TCF23: variants seen among roughly 807,000 people sequenced by gnomAD.
TCF23 encodes transcription factor 23, also known as class A basic helix-loop-helix protein 24.
TCF23 carries 7 observed loss-of-function variants against 13.0 expected under a neutral mutation model. The observed-to-expected ratio is 0.54, with a 90% confidence interval of 0.31 to 1.01. The LOEUF (loss-of-function observed/expected upper bound fraction) is 1.01, where lower values mean the gene tolerates loss of function less well. Among genes scored for constraint, TCF23 ranks in the 50% least tolerant of loss-of-function variants. TCF23 has a pLI of 0.06. For synonymous variants in TCF23, 122 were observed against 119.5 expected (o/e 1.02, Z -0.14); for missense variants, 257 against 289.8 (o/e 0.89, Z 0.82).
chr2:27,153,508 C>CTCTTTTCTTTTCTTTTCTTT lies in TCF23; in HGVS notation c.*649_*668dup, dbSNP rs111812514. Reference sequence around the variant, plus strand: ...CCCTCTCGGCTCCTGCACTCTTCCACTCTTTTCTTTTCTTTTCTTTTCTTT... The same window carrying CTCTTTTCTTTTCTTTTCTTT: ...CCCTCTCGGCTCCTGCACTCTTCCACTCTTTTCTTTTCTTTTCTTTTCTTTTCTTTTCTTTTCTTTTCTTT... On this transcript the variant is annotated 3_prime_UTR_variant, in exon 3 of 3. Coordinates refer to ENST00000296096, the MANE Select transcript of TCF23 (RefSeq NM_175769.3). 30,099 of 150,358 alleles carry CTCTTTTCTTTTCTTTTCTTT rather than the reference C, an allele frequency of 0.2. 3,719 individuals carry two copies. The highest frequency in any genetic ancestry group is 0.29 in the Admixed American group (4,234 of 14,544). 9.3% of individuals were successfully genotyped at this position (150,358 alleles called of 1,614,324 possible).
chr2:27,154,812 C>T lies in TCF23; in HGVS notation c.*1945C>T, dbSNP rs987532556. 5 of 152,278 alleles carry T rather than the reference C, an allele frequency of 3.3e-5. No individual in the cohort carries two copies. The highest frequency in any genetic ancestry group is 1.2e-4 in the African/African-American group (5 of 41,454). The allele number at this position is 152,278 out of a possible 1,614,324, so 9.4% of individuals were successfully genotyped here. On this transcript the variant is annotated 3_prime_UTR_variant, in exon 3 of 3. Transcript: ENST00000296096. The stretch of plus-strand genomic sequence containing the variant: ...AGCTAGAATGTACTATTTTTAAAGC[C>T]AAACAGCAGTATCTTCCTGGTTGAG...
In TCF23 at chr2:27,153,526, TTTTCTTTTCG is replaced by T. The variant is rs963195644; in HGVS notation, c.*666_*675del. The T allele has an allele frequency of 3.1e-5, 5 of 160,128 alleles. No individual in the cohort carries two copies. Among genetic ancestry groups the T allele is most frequent in the African/African-American group, 1.2e-4 (5 of 41,324 alleles). The allele number at this position is 160,128 out of a possible 1,614,324, so 9.9% of individuals were successfully genotyped here. A position where few individuals can be genotyped will look rare whatever the true frequency, so the allele number is the denominator to read the frequency against. ...TCTTCCACTCTTTTCTTTTCTTTTCTTTTCTTTTCGTTTCTTCTTCTTTTTATGTAGAGAT... is the reference window on the plus strand; with the variant it reads ...TCTTCCACTCTTTTCTTTTCTTTTCTTTTCTTCTTCTTTTTATGTAGAGAT... On this transcript the variant is annotated 3_prime_UTR_variant, in exon 3 of 3. Transcript: ENST00000296096.
At position 27,155,920 on chromosome 2, in the gene TCF23, C is replaced by T. The variant is rs1352762396; in HGVS notation, c.*3053C>T. ...CTTCCTGCACCACCTGCCCCATCCC[C>T]AGGACTTGGGATTGGGATGGAGGTG... On this transcript the variant is annotated 3_prime_UTR_variant, in exon 3 of 3. Coordinates refer to ENST00000296096, the MANE Select transcript of TCF23 (RefSeq NM_175769.3). 1.3e-5 allele frequency: 2 copies of T among 152,284 alleles called. No individual in the cohort carries two copies. The highest frequency in any genetic ancestry group is 4.8e-5 in the African/African-American group (2 of 41,444). The allele number at this position is 152,284 out of a possible 1,614,324, so 9.4% of individuals were successfully genotyped here. A position where few individuals can be genotyped will look rare whatever the true frequency, so the allele number is the denominator to read the frequency against.
intron 2 of TCF23, among the ~76,000 whole-genome samples, chr2:27,151,417 C>T (rs1672759284): frequency 6.6e-6 from 1 of 152,060 alleles, no homozygotes; most frequent in Non-Finnish European, 1.5e-5. Flanking sequence ...TCACTGCAAC[C>T]TCCACCTCCC....
In TCF23 at chr2:27,150,621, G is replaced by T. The variant is rs1057253516; in HGVS notation, c.465+256G>T. 1.3e-5 allele frequency among the ~76,000 whole-genome samples: 2 copies of T among 152,144 alleles called. No individual in the cohort carries two copies. Among genetic ancestry groups the T allele is most frequent in the Non-Finnish European group, 2.9e-5 (2 of 68,006 alleles). On this transcript the variant is annotated intron_variant, in intron 2 of 2. Transcript: ENST00000296096. The surrounding 1 kb of genome is among the most constrained non-coding windows in gnomAD (Gnocchi z 4.1). ...TGCACCTCCTTGAAGAGGAGGGAAA[G>T]ACTCTGGGGTTCTTAGAGTCACAGG... is the stretch of plus-strand genomic sequence containing the variant.
intron 2 of TCF23, among the ~76,000 whole-genome samples, chr2:27,151,364 T>A (rs1403050879): frequency 6.6e-6 from 1 of 152,194 alleles, no homozygotes; most frequent in African/African-American, 2.4e-5. Flanking sequence ...AGACAGAGTT[T>A]CACTCTGTCG....
chr2:27,150,030 T>G lies in TCF23; in HGVS notation c.223-93T>G, dbSNP rs1672735370. On this transcript the variant is annotated intron_variant, in intron 1 of 2. Coordinates refer to ENST00000296096, the MANE Select transcript of TCF23 (RefSeq NM_175769.3). The surrounding 1 kb of genome is among the most constrained non-coding windows in gnomAD (Gnocchi z 4.1). ...TGGTGCCTACTGCTAGACACCCTTC[T>G]ACTCTGGTGGGAGACCTTGTGCTCA... 1 of 1,532,632 alleles carries G rather than the reference T, an allele frequency of 6.5e-7. No individual in the cohort carries two copies. Among genetic ancestry groups the G allele is most frequent in the Admixed American group, 1.8e-5 (1 of 55,388 alleles). 94.9% of individuals were successfully genotyped at this position (1,532,632 alleles called of 1,614,324 possible). A position where few individuals can be genotyped will look rare whatever the true frequency, so the allele number is the denominator to read the frequency against.
Position 27,156,160 on chromosome 2 carries a change from C to G in TCF23, c.*3293C>G, listed in dbSNP as rs1672832943. ...TGACCAACATGGTGAAACCCTGTCT[C>G]TACTAAAAATACGAAATTAGCTGGG... On this transcript the variant is annotated 3_prime_UTR_variant, in exon 3 of 3. Coordinates refer to ENST00000296096, the MANE Select transcript of TCF23 (RefSeq NM_175769.3). 6.6e-6 allele frequency: 1 copy of G among 151,976 alleles called. No homozygotes were observed. The highest frequency in any genetic ancestry group is 2.0e-4 in the East Asian group (1 of 5,118). 9.4% of individuals were successfully genotyped at this position (151,976 alleles called of 1,614,324 possible). A position where few individuals can be genotyped will look rare whatever the true frequency, so the allele number is the denominator to read the frequency against.
rs1672748321 is a variant in TCF23 at position 27,150,600 on chromosome 2, C to T, written c.465+235C>T. 1.3e-5 allele frequency among the ~76,000 whole-genome samples: 2 copies of T among 152,060 alleles called. No homozygotes were observed. Among genetic ancestry groups the T allele is most frequent in the South Asian group, 4.1e-4 (2 of 4,820 alleles). ...CTGGAAATGGCTTCATGGGAATGCA[C>T]CTCCTTGAAGAGGAGGGAAAGACTC... On this transcript the variant is annotated intron_variant, in intron 2 of 2. Transcript: ENST00000296096. This position sits in a 1 kb window ranked among gnomAD's most constrained non-coding sequence, Gnocchi z 4.1.
At chr2:27,149,579 CTT>C in intron 1 of TCF23, 1 of 655,004 alleles carries the variant, frequency 1.5e-6, no homozygotes, top group East Asian at 2.9e-5. Context: ...ACTCACTTCT[CTT>C]GAGGAAACTG....
At chr2:27,152,474 C>T (rs1431140782) in intron 2 of TCF23, among the ~76,000 whole-genome samples, 1 of 152,246 alleles carries the variant, frequency 6.6e-6, no homozygotes, top group East Asian at 1.9e-4. Flanking sequence ...CCTCTCCCTC[C>T]TCAGATGGCT....
At chr2:27,151,081 A>G (rs1324029159) in intron 2 of TCF23, among the ~76,000 whole-genome samples, 2 of 152,172 alleles carry the variant, frequency 1.3e-5, no homozygotes, top group African/African-American at 4.8e-5. Flanking sequence ...CTTTTAATCC[A>G]TGCAAAAACC....
intron 2 of TCF23, 143 bp from the exon 3 acceptor site, chr2:27,152,545 T>C: frequency 1.1e-6 from 1 of 908,154 alleles, no homozygotes; most frequent in South Asian, 1.8e-5. Context: ...CTGTACATGA[T>C]GATGACCCTG....
Position 27,149,292 on chromosome 2 carries a change from G to A in TCF23, c.159G>A (p.Gln53=), listed in dbSNP as rs1238891888. 1.3e-6 allele frequency: 2 copies of A among 1,597,636 alleles called. No homozygotes were observed. Among genetic ancestry groups the A allele is most frequent in the African/African-American group, 2.7e-5 (2 of 74,674 alleles). The part of the protein sequence containing the change: ...DPWEERSWSN[Q]RWSRATPGPR... ...GGGAAGAAAGAAGCTGGAGCAACCAGAGATGGAGCAGAGCTACCCCTGGCC... is the reference window on the plus strand; with the variant it reads ...GGGAAGAAAGAAGCTGGAGCAACCAAAGATGGAGCAGAGCTACCCCTGGCC... The change falls in exon 1 of 3, where the codon CAG becomes CAA. Residue 53 remains glutamine, a synonymous_variant. Transcript: ENST00000296096.
Position 27,153,025 on chromosome 2 carries a change from A to G in TCF23, c.*158A>G, listed in dbSNP as rs1293798550. On this transcript the variant is annotated 3_prime_UTR_variant, in exon 3 of 3. Coordinates refer to ENST00000296096, the MANE Select transcript of TCF23 (RefSeq NM_175769.3). ...AAGCAGTAGCACTTCTGTGATGGAC[A>G]GTACCTAGAGGGGCACAGGTTGGAG... 1 of 1,449,564 alleles carries G rather than the reference A, an allele frequency of 6.9e-7. No homozygotes were observed. The highest frequency in any genetic ancestry group is 1.4e-5 in the African/African-American group (1 of 70,616). The allele number at this position is 1,449,564 out of a possible 1,614,324, so 89.8% of individuals were successfully genotyped here. A position where few individuals can be genotyped will look rare whatever the true frequency, so the allele number is the denominator to read the frequency against.
intron 1 of TCF23, 70 bp downstream of exon 1, chr2:27,149,425 C>T: frequency 2.9e-6 from 4 of 1,382,268 alleles, no homozygotes; most frequent in Non-Finnish European, 4.0e-6. Flanking sequence ...GATGTCACCT[C>T]TGATGGTACA....
intron 1 of TCF23, 198 bp from the exon 2 acceptor site, chr2:27,149,925 C>T (rs1054718947): frequency 1.9e-5 from 16 of 843,336 alleles, no homozygotes; most frequent in Non-Finnish European, 2.7e-5. Flanking sequence ...GCCATCTGAC[C>T]CCTGGCCAGG....
Position 27,150,828 on chromosome 2 carries a change from C to T in TCF23, c.465+463C>T, listed in dbSNP as rs968334855. 6.6e-6 allele frequency among the ~76,000 whole-genome samples: 1 copy of T among 152,120 alleles called. No individual in the cohort carries two copies. Among genetic ancestry groups the T allele is most frequent in the Non-Finnish European group, 1.5e-5 (1 of 68,022 alleles). On this transcript the variant is annotated intron_variant, in intron 2 of 2. Transcript: ENST00000296096. This position sits in a 1 kb window ranked among gnomAD's most constrained non-coding sequence, Gnocchi z 4.1. ...GAGGGACCGTCATTCTAGAAGCAAC[C>T]AAGCTGGGGGAGTTAGCAGGCAGCA...
rs1002946243 is a variant in TCF23 at position 27,150,221 on chromosome 2, G to A, written c.321G>A (p.Pro107=). 7 of 1,613,124 alleles carry A rather than the reference G, an allele frequency of 4.3e-6. No individual in the cohort carries two copies. Among genetic ancestry groups the A allele is most frequent in the South Asian group, 3.3e-5 (3 of 91,064 alleles). Residue 107 remains proline, a synonymous_variant, in exon 2 of 3, where the codon CCG becomes CCA. Transcript: ENST00000296096. The surrounding 1 kb of genome is among the most constrained non-coding windows in gnomAD (Gnocchi z 4.1). The part of the protein sequence containing the change: ...LALQAALPAV[P]PDTKLSKLDV... ...TGCAGGCTGCTCTGCCTGCCGTGCC[G>A]CCCGACACCAAGCTCTCCAAGTTGG...
Sources: allele counts gnomAD v4.1 joint callset (sites outside exome capture counted in the v4.1 genomes callset), GRCh38; gene constraint gnomAD v4.1.1; non-coding constraint Gnocchi (gnomAD v3.1); transcripts MANE v1.5; gene names NCBI Gene and HGNC (gene_info 2026-07-23, HGNC 2026-07-21).